PCDHGA9: variants seen among roughly 807,000 people sequenced by gnomAD.
PCDHGA9 encodes the protein protocadherin gamma-A9.
A neutral mutation model predicts 62.5 loss-of-function variants in PCDHGA9; 37 were observed. The observed-to-expected ratio is 0.59, with a 90% CI of 0.46 to 0.78. The LOEUF (loss-of-function observed/expected upper bound fraction) is 0.78, where lower values mean the gene tolerates loss of function less well. Ranked by LOEUF, PCDHGA9 falls within the 30% of genes least tolerant of loss-of-function variation. The pLI is 0.00. For synonymous variants in PCDHGA9, 459 were observed against 484.6 expected, an observed-to-expected ratio of 0.95 and a Z score of 0.69; for missense variants, 1,138 against 1,166.2, an observed-to-expected ratio of 0.98 and a Z score of 0.35.
chr5:141,430,534 C>CT (rs962032641), intron 1 of PCDHGA9: 2 of 381,726 alleles, frequency 5.2e-6, no homozygotes, highest in Non-Finnish European at 9.2e-6. Context: ...GGTTAGGACT[C>CT]TGAGCGCCGC....
Position 141,498,864 on chromosome 5 carries a change from C to T in PCDHGA9, c.2483+3999C>T, listed in dbSNP as rs1370263013. Among the ~76,000 whole-genome samples the T allele has an allele frequency of 2.7e-5, 4 of 149,532 alleles. No homozygotes were observed. The East Asian group carries it at 5.9e-4, about 22-fold the overall frequency. ...AGGGGAATCGCTTGAACCCAGGAGG[C>T]GGAGGTTGCAGTGAGCTGAGATCAC... On this transcript the variant is annotated intron_variant, in intron 2 of 3. Coordinates refer to ENST00000573521, the MANE Select transcript of PCDHGA9 (RefSeq NM_018921.3).
intron 1 of PCDHGA9, 177 bp from the exon 2 acceptor site, chr5:141,494,630 C>T (rs991482599): frequency 5.8e-6 from 5 of 866,562 alleles, no homozygotes; most frequent in Non-Finnish European, 6.9e-6. Flanking sequence ...GTACCTCAGA[C>T]CTCTGAGACC....
chr5:141,491,438 G>T lies in PCDHGA9; in HGVS notation c.2425-3369G>T, dbSNP rs376927300. 3.7e-6 allele frequency: 6 copies of T among 1,613,948 alleles called. No homozygotes were observed. The African/African-American group carries it at 4.0e-5, about 11-fold the overall frequency. ...GGGGGTGGAGGGCAGTGCTGCAGGCGCCAGGACTCACCCTCCCCGGACTTC... is the reference window on the plus strand; with the variant it reads ...GGGGGTGGAGGGCAGTGCTGCAGGCTCCAGGACTCACCCTCCCCGGACTTC... On this transcript the variant is annotated intron_variant, in intron 1 of 3. Transcript: ENST00000573521. The surrounding 1 kb of genome is among the most constrained non-coding windows in gnomAD (Gnocchi z 6.9).
intron 1 of PCDHGA9, chr5:141,422,201 G>T (rs764621323): frequency 1.9e-6 from 3 of 1,562,386 alleles, no homozygotes; most frequent in Admixed American, 2.0e-5. Flanking sequence ...GGCCAAGATG[G>T]TGGAGGTCTC....
rs755163825 is a variant in PCDHGA9, at chr5:141,491,048, C to A, written c.2425-3759C>A. 6.2e-6 allele frequency: 10 copies of A among 1,613,948 alleles called. No individual in the cohort carries two copies. Among genetic ancestry groups the A allele is most frequent in the Non-Finnish European group, 7.6e-6 (9 of 1,179,960 alleles). ...GTGGATGCTGATGCAGGCCACAATG[C>A]GTGGCTCTCCTACTCACTGTTGCCA... On this transcript the variant is annotated intron_variant, in intron 1 of 3. Coordinates refer to ENST00000573521, the MANE Select transcript of PCDHGA9 (RefSeq NM_018921.3). The surrounding 1 kb of genome is among the most constrained non-coding windows in gnomAD (Gnocchi z 6.9).
Position 141,405,323 on chromosome 5 carries a change from T to C in PCDHGA9, c.2371T>C (p.Leu791=), listed in dbSNP as rs1420760439. The C allele has an allele frequency of 6.2e-7, 1 of 1,614,220 alleles. No homozygotes were observed. Among genetic ancestry groups the C allele is most frequent in the Non-Finnish European group, 8.5e-7 (1 of 1,180,040 alleles). Residue 791 remains leucine, a synonymous_variant, in exon 1 of 4, where the codon TTG becomes CTG. Coordinates refer to ENST00000573521, the MANE Select transcript of PCDHGA9 (RefSeq NM_018921.3). ...GCAGAGCTGTGAGAAAAATGAGCCT[T>C]TGTGCGTCTCTGTTGATTCCAAGTT... ...SQQSCEKNEP[L]CVSVDSKFPI...
chr5:141,439,013 A>T lies in PCDHGA9; in HGVS notation c.2424+33637A>T, dbSNP rs2098082221. 1.3e-5 allele frequency among the ~76,000 whole-genome samples: 2 copies of T among 151,700 alleles called. 1 individual carries two copies. The highest frequency in any genetic ancestry group is 1.3e-4 in the Admixed American group (2 of 15,214). On this transcript the variant is annotated intron_variant, in intron 1 of 3. Transcript: ENST00000573521. ...GGCTAAGGACCTGGTTTGTTTGTCA[A>T]ATTTTGAAAATAGATGCCTCAGTTC...
intron 2 of PCDHGA9, among the ~76,000 whole-genome samples, chr5:141,502,947 G>A (rs933409229): frequency 3.0e-4 from 45 of 151,030 alleles, no homozygotes; most frequent in Admixed American, 1.8e-3. Context: ...GGGTTCAAGC[G>A]ATTCTCCTGC....
rs930695301 is a variant in PCDHGA9, at chr5:141,472,874, T to C, written c.2425-21933T>C. On this transcript the variant is annotated intron_variant, in intron 1 of 3. Coordinates refer to ENST00000573521, the MANE Select transcript of PCDHGA9 (RefSeq NM_018921.3). ...GGTGGCACATGCCTGTATTCCCAGC[T>C]ACTCGGGAGGCTGAGGCAGGAGAAT... Among the ~76,000 whole-genome samples, 5 of 150,448 alleles carry C rather than the reference T, an allele frequency of 3.3e-5. No homozygotes were observed. In the Admixed American group the frequency reaches 3.3e-4, roughly 10 times the overall value.
intron 1 of PCDHGA9, among the ~76,000 whole-genome samples, chr5:141,407,534 A>G (rs72790039): frequency 0.022 from 3,304 of 149,594 alleles, 53 homozygotes; most frequent in South Asian, 0.039. Context: ...CTTATTGTGC[A>G]TTGGTAACAG....
intron 1 of PCDHGA9, among the ~76,000 whole-genome samples, chr5:141,462,029 G>A (rs535977332): frequency 6.6e-6 from 1 of 152,260 alleles, no homozygotes; most frequent in East Asian, 1.9e-4. Context: ...CTTCATGTTG[G>A]TCAGGCGGGT....
rs771867567 is a variant in PCDHGA9 at position 141,419,867 on chromosome 5, G to A, written c.2424+14491G>A. 3.1e-6 allele frequency: 5 copies of A among 1,614,086 alleles called. No homozygotes were observed. In the South Asian group the frequency reaches 5.5e-5, roughly 18 times the overall value. On this transcript the variant is annotated intron_variant, in intron 1 of 3. Transcript: ENST00000573521. Reference sequence around the variant, plus strand: ...CCTGGTGTTCGCAGATAGCTTGCAAGAGGTACTGCCGGATTTCAGCGACCA... The same window carrying A: ...CCTGGTGTTCGCAGATAGCTTGCAAAAGGTACTGCCGGATTTCAGCGACCA...
In PCDHGA9 at chr5:141,415,024, G is replaced by A. The variant is rs1272655664; in HGVS notation, c.2424+9648G>A. On this transcript the variant is annotated intron_variant, in intron 1 of 3. Coordinates refer to ENST00000573521, the MANE Select transcript of PCDHGA9 (RefSeq NM_018921.3). ...GTCCTACCGTCTGCTCAAGGCCAGC[G>A]AGCCGGGACTCTTCGCGGTGGGGGA... 4.3e-6 allele frequency: 7 copies of A among 1,613,450 alleles called. 1 individual carries two copies. The highest frequency in any genetic ancestry group is 3.3e-5 in the Admixed American group (2 of 60,002).
At chr5:141,413,708 C>G in intron 1 of PCDHGA9, 1 of 1,613,664 alleles carries the variant, frequency 6.2e-7, no homozygotes, top group African/African-American at 1.3e-5. Flanking sequence ...CAGCTCAGCC[C>G]CAATAAGCAC....
chr5:141,408,157 T>C (rs748693406), intron 1 of PCDHGA9: 70 of 1,514,372 alleles, frequency 4.6e-5, no homozygotes, highest in Non-Finnish European at 5.9e-5. Flanking sequence ...AGAGTGCACT[T>C]TCTCCAACTG....
At chr5:141,450,055 G>A (rs1325291695) in intron 1 of PCDHGA9, among the ~76,000 whole-genome samples, 2 of 137,594 alleles carry the variant, frequency 1.5e-5, no homozygotes, top group Non-Finnish European at 3.0e-5. Flanking sequence ...CGCCCAGGCT[G>A]GAATGCAGTG....
intron 1 of PCDHGA9, among the ~76,000 whole-genome samples, chr5:141,482,832 G>A (rs2099573281): frequency 6.6e-6 from 1 of 152,188 alleles, no homozygotes; most frequent in Non-Finnish European, 1.5e-5. Flanking sequence ...AGCACTTTGG[G>A]AGGCCAAGGT....
In PCDHGA9 at chr5:141,403,377, T is replaced by A; in HGVS notation, c.425T>A (p.Ile142Asn). Reference sequence around the variant, plus strand: ...CAGGCCGAAAGTCTGGAAGTAAAAATTAACGAAATCGCGGTTCCTGGAGCA... The same window carrying A: ...CAGGCCGAAAGTCTGGAAGTAAAAAATAACGAAATCGCGGTTCCTGGAGCA... ...KFQAESLEVK[I>N]NEIAVPGARY... is the part of the protein sequence containing the mutation. Residue 142 changes from isoleucine to asparagine, a missense_variant, in exon 1 of 4, where the codon ATT (isoleucine) becomes AAT (asparagine). By Grantham distance (149) the Ile-to-Asn change is moderately radical. Coordinates refer to ENST00000573521, the MANE Select transcript of PCDHGA9 (RefSeq NM_018921.3). The A allele has an allele frequency of 6.2e-7, 1 of 1,614,016 alleles. No individual in the cohort carries two copies.
intron 1 of PCDHGA9, chr5:141,414,589 G>T: frequency 1.2e-6 from 2 of 1,613,834 alleles, no homozygotes; most frequent in African/African-American, 2.7e-5. Flanking sequence ...CAACGCCAGG[G>T]GTGCCTCCAT....
Sources: gnomAD v4.1 joint callset for allele counts (sites outside exome capture counted in the v4.1 genomes callset) on GRCh38, gnomAD v4.1.1 for gene constraint, Gnocchi (gnomAD v3.1) non-coding constraint, MANE v1.5 for transcripts, NCBI Gene and HGNC (gene_info 2026-07-23, HGNC 2026-07-21) for gene names.